Variants in BMP6 observed in about 807,000 individuals in gnomAD.
BMP6 encodes the protein bone morphogenetic protein 6, also known as VG-1-R.
BMP6 carries 17 observed loss-of-function variants against 54.1 expected under a neutral mutation model. That is an observed-to-expected ratio of 0.31 (90% confidence interval 0.22 to 0.47). The LOEUF (loss-of-function observed/expected upper bound fraction) is 0.47, where lower values mean the gene tolerates loss of function less well. Among genes scored for constraint, BMP6 ranks in the 20% least tolerant of loss-of-function variants. BMP6 has a pLI of 1.00. For synonymous variants in BMP6, 328 were observed against 291.2 expected, an observed-to-expected ratio of 1.13 and a Z score of -1.28; for missense variants, 720 against 690.4, an observed-to-expected ratio of 1.04 and a Z score of -0.48.
At position 7,852,452 on chromosome 6, in the gene BMP6, C is replaced by T. The variant is rs1390338314; in HGVS notation, c.857+7120C>T. On this transcript the variant is annotated intron_variant, in intron 2 of 6. Coordinates refer to ENST00000283147, the MANE Select transcript of BMP6 (RefSeq NM_001718.6). ...AATTAGCCAGGCTGGTGGCTCATGC[C>T]TTTAGTCCCAGCTCCTCAGGAGGCT... is the stretch of plus-strand genomic sequence containing the variant. 9.8e-5 allele frequency among the ~76,000 whole-genome samples: 15 copies of T among 152,330 alleles called. No homozygotes were observed. In the South Asian group the frequency reaches 2.5e-3, roughly 25 times the overall value.
chr6:7,808,965 A>G (rs563179629), intron 1 of BMP6, among the ~76,000 whole-genome samples: 2 of 151,138 alleles, frequency 1.3e-5, no homozygotes, highest in South Asian at 4.2e-4. Flanking sequence ...TACTCTGATC[A>G]GAGGCATCCG....
At chr6:7,781,625 T>C (rs1338750979) in intron 1 of BMP6, among the ~76,000 whole-genome samples, 2 of 151,602 alleles carry the variant, frequency 1.3e-5, no homozygotes, top group South Asian at 2.1e-4. Context: ...TGAGTGCCTA[T>C]TGAGTGTCCG....
intron 1 of BMP6, among the ~76,000 whole-genome samples, chr6:7,749,423 A>C (rs998687678): frequency 6.6e-6 from 1 of 152,122 alleles, no homozygotes; most frequent in Non-Finnish European, 1.5e-5. Context: ...CTATTTCCAC[A>C]TATGTTCAAT....
chr6:7,869,755 G>A (rs1016579571), intron 4 of BMP6, among the ~76,000 whole-genome samples: 1 of 152,190 alleles, frequency 6.6e-6, no homozygotes, highest in East Asian at 1.9e-4. Flanking sequence ...CAAGGAAGCT[G>A]ATTGTCAGGT....
intron 1 of BMP6, among the ~76,000 whole-genome samples, chr6:7,820,487 C>T (rs1758589594): frequency 6.6e-6 from 1 of 152,224 alleles, no homozygotes; most frequent in Admixed American, 6.5e-5. Context: ...GTGACCCCTT[C>T]TGTCCCCACC....
intron 1 of BMP6, among the ~76,000 whole-genome samples, chr6:7,759,399 A>C (rs899779709): frequency 6.6e-5 from 10 of 152,110 alleles, no homozygotes; most frequent in African/African-American, 2.2e-4. Flanking sequence ...TTTCCCCTTG[A>C]GGTCCTCGGC....
rs377639547 is a variant in BMP6, at chr6:7,727,265, C to T, written c.310C>T (p.Pro104Ser). Residue 104 changes from proline (P) to serine (S), a missense_variant, in exon 1 of 7, where the codon CCC (proline) becomes TCC (serine). Pro to Ser is a moderately conservative substitution (Grantham distance 74). Coordinates refer to ENST00000283147, the MANE Select transcript of BMP6 (RefSeq NM_001718.6). ...CCTGCACGGCCTCCAACAGCCGCAGCCCCCGGCGCTCCGGCAGCAGGAGGA... is the reference window on the plus strand; with the variant it reads ...CCTGCACGGCCTCCAACAGCCGCAGTCCCCGGCGCTCCGGCAGCAGGAGGA... ...RPLHGLQQPQ[P>S]PALRQQEEQQ... 3 of 1,605,024 alleles carry T rather than the reference C, an allele frequency of 1.9e-6. No individual in the cohort carries two copies. The highest frequency in any genetic ancestry group is 2.5e-6 in the Non-Finnish European group (3 of 1,176,504).
intron 1 of BMP6, among the ~76,000 whole-genome samples, chr6:7,801,906 T>A (rs573164434): frequency 6.6e-6 from 1 of 152,108 alleles, no homozygotes; most frequent in Non-Finnish European, 1.5e-5. Context: ...TATACTACAA[T>A]TGATGAATCC....
At chr6:7,849,807 C>A (rs192887846) in intron 2 of BMP6, among the ~76,000 whole-genome samples, 2 of 152,160 alleles carry the variant, frequency 1.3e-5, no homozygotes, top group African/African-American at 4.8e-5. Context: ...TTTGAAATTC[C>A]GTGTTCTGCT....
At chr6:7,824,531 A>G (rs1758662736) in intron 1 of BMP6, among the ~76,000 whole-genome samples, 1 of 152,196 alleles carries the variant, frequency 6.6e-6, no homozygotes, top group Admixed American at 6.5e-5. Flanking sequence ...CCCTAACTGA[A>G]TATCTAGCTA....
chr6:7,799,049 C>T (rs544088753), intron 1 of BMP6, among the ~76,000 whole-genome samples: 9 of 152,160 alleles, frequency 5.9e-5, no homozygotes, highest in African/African-American at 1.4e-4. Context: ...GGTCAGTAGC[C>T]GAAGAGTAAC....
chr6:7,774,725 A>G (rs552838031), intron 1 of BMP6, among the ~76,000 whole-genome samples: 5 of 152,302 alleles, frequency 3.3e-5, no homozygotes, highest in African/African-American at 1.2e-4. Flanking sequence ...GATCAACACA[A>G]TACATTTTCC....
intron 1 of BMP6, among the ~76,000 whole-genome samples, chr6:7,762,267 G>A (rs1252709447): frequency 6.6e-6 from 1 of 152,202 alleles, no homozygotes; most frequent in East Asian, 1.9e-4. Flanking sequence ...TGATTAAGGT[G>A]TGAGTGGTCA....
chr6:7,774,704 G>A (rs531144357), intron 1 of BMP6, among the ~76,000 whole-genome samples: 5 of 152,196 alleles, frequency 3.3e-5, no homozygotes, highest in African/African-American at 4.8e-5. Context: ...GTGAGACTCC[G>A]TCAAAAAAAA....
intron 1 of BMP6, among the ~76,000 whole-genome samples, chr6:7,804,469 C>T (rs1314619360): frequency 1.3e-5 from 2 of 152,196 alleles, no homozygotes; most frequent in East Asian, 3.9e-4. Flanking sequence ...ACAGAGTTTT[C>T]AGGCAGCTCT....
chr6:7,772,638 A>G (rs543120294), intron 1 of BMP6, among the ~76,000 whole-genome samples: 33 of 152,264 alleles, frequency 2.2e-4, no homozygotes, highest in African/African-American at 7.5e-4. Flanking sequence ...TATAACCAAG[A>G]GCTGGTTAGG....
At chr6:7,815,636 A>G (rs1014811963) in intron 1 of BMP6, among the ~76,000 whole-genome samples, 22 of 152,378 alleles carry the variant, frequency 1.4e-4, no homozygotes, top group Admixed American at 7.8e-4. Context: ...TCATAGAAGG[A>G]TCACACAGTT....
At chr6:7,789,085 A>G (rs987747214) in intron 1 of BMP6, among the ~76,000 whole-genome samples, 1 of 152,210 alleles carries the variant, frequency 6.6e-6, no homozygotes, top group African/African-American at 2.4e-5. Flanking sequence ...ACAATCAAGT[A>G]ACATATCCAT....
At chr6:7,828,611 T>A (rs1192628752) in intron 1 of BMP6, among the ~76,000 whole-genome samples, 2 of 152,292 alleles carry the variant, frequency 1.3e-5, no homozygotes, top group East Asian at 3.9e-4. Flanking sequence ...CAGGTCCGGA[T>A]GGGTGGCTCC....
Sources: gnomAD v4.1 joint callset for allele counts (sites outside exome capture counted in the v4.1 genomes callset) on GRCh38, gnomAD v4.1.1 for gene constraint, MANE v1.5 for transcripts, NCBI Gene and HGNC (gene_info 2026-07-23, HGNC 2026-07-21) for gene names.